Variants in KHDRBS2 observed in about 807,000 individuals in gnomAD.
KHDRBS2 encodes the protein KH domain-containing, RNA-binding, signal transduction-associated protein 2.
KHDRBS2 carries 26 observed loss-of-function variants against 44.3 expected under a neutral mutation model. The ratio of observed to expected loss-of-function variants is 0.59; its 90% CI spans 0.43 to 0.81. The LOEUF (loss-of-function observed/expected upper bound fraction) is 0.81. KHDRBS2 is among the 40% of genes least tolerant of loss of function. The probability of loss-of-function intolerance (pLI) is 0.00; values close to 1 mark genes in which losing one functional copy is unlikely to be tolerated. For synonymous variants in KHDRBS2, 194 were observed against 151.1 expected (o/e 1.28, Z -2.08); for missense variants, 476 against 433.1 (o/e 1.10, Z -0.88).
intron 2 of KHDRBS2, among the ~76,000 whole-genome samples, chr6:62,139,450 G>C (rs1382929685): frequency 2.0e-5 from 3 of 151,878 alleles, no homozygotes; most frequent in Non-Finnish European, 4.4e-5. Context: ...TTACTTGGGA[G>C]GCTGAGGCAG....
rs554840278 is a variant in KHDRBS2, at chr6:62,208,304, G to A, written c.92-30992C>T. On this transcript the variant is annotated intron_variant, in intron 1 of 8. Transcript: ENST00000281156. ...CTATTCACAAGCACAATCATAGTGC[G>A]CTACAGTCCTGAACTCCTGGTCTCA... Among the ~76,000 whole-genome samples the A allele has an allele frequency of 6.1e-4, 93 of 152,164 alleles. No individual in the cohort carries two copies. In the South Asian group the frequency reaches 7.1e-3, roughly 12 times the overall value.
intron 1 of KHDRBS2, among the ~76,000 whole-genome samples, chr6:62,221,717 C>G (rs1188301585): frequency 6.6e-6 from 1 of 151,970 alleles, no homozygotes; most frequent in Non-Finnish European, 1.5e-5. Context: ...CAAATTTCAT[C>G]CTCTCAACAA....
intron 4 of KHDRBS2, among the ~76,000 whole-genome samples, chr6:61,954,414 CATAT>C (rs1334645297): frequency 2.3e-5 from 2 of 86,340 alleles, no homozygotes; most frequent in Non-Finnish European, 6.1e-5. Context: ...TGCATGCATA[CATAT>C]ATACGTATGT....
chr6:62,039,587 G>C (rs1228340828), intron 3 of KHDRBS2, among the ~76,000 whole-genome samples: 1 of 151,854 alleles, frequency 6.6e-6, no homozygotes, highest in Non-Finnish European at 1.5e-5. Context: ...TCTTGGTCTA[G>C]GTATTGCACA....
intron 4 of KHDRBS2, among the ~76,000 whole-genome samples, chr6:61,930,328 T>C (rs550961036): frequency 6.6e-6 from 1 of 152,016 alleles, no homozygotes; most frequent in South Asian, 2.1e-4. Flanking sequence ...AACACCTTCT[T>C]CAAATCAAAC....
At chr6:61,604,629 A>C in the KHDRBS2 span, among the ~76,000 whole-genome samples, 1 of 152,120 alleles carries the variant, frequency 6.6e-6, no homozygotes, top group African/African-American at 2.4e-5. Flanking sequence ...ATCACTTCTC[A>C]GTGTTCCATC....
At chr6:62,167,016 G>A (rs1818845555) in intron 2 of KHDRBS2, among the ~76,000 whole-genome samples, 1 of 151,992 alleles carries the variant, frequency 6.6e-6, no homozygotes, top group Admixed American at 6.6e-5. Flanking sequence ...AAGAATACGG[G>A]TTTGGACATT....
At chr6:61,576,464 T>C in the KHDRBS2 span, among the ~76,000 whole-genome samples, 2 of 152,130 alleles carry the variant, frequency 1.3e-5, no homozygotes, top group Admixed American at 6.6e-5. Context: ...TCTAGGAGCC[T>C]TGTGGAGGAG....
At chr6:61,795,646 A>T (rs905476315) in intron 6 of KHDRBS2, among the ~76,000 whole-genome samples, 2 of 152,150 alleles carry the variant, frequency 1.3e-5, no homozygotes, top group African/African-American at 4.8e-5. Flanking sequence ...TTTACTTGCC[A>T]CAATTTTCTT....
chr6:61,984,941 T>C (rs561712640), intron 3 of KHDRBS2, among the ~76,000 whole-genome samples: 40 of 152,332 alleles, frequency 2.6e-4, no homozygotes, highest in African/African-American at 7.0e-4. Context: ...AAACACAGGC[T>C]ATGTAAATAA....
chr6:61,951,169 A>T (rs61427170), intron 4 of KHDRBS2, among the ~76,000 whole-genome samples: 3,334 of 152,148 alleles, frequency 0.022, 120 homozygotes, highest in African/African-American at 0.076. Flanking sequence ...TGTGATGTCA[A>T]TGAACCTGTA....
At position 61,986,690 on chromosome 6, in the gene KHDRBS2, C is replaced by T. The variant is rs185179624; in HGVS notation, c.337-8478G>A. Among the ~76,000 whole-genome samples, 41 of 152,256 alleles carry T rather than the reference C, an allele frequency of 2.7e-4. No homozygotes were observed. In the East Asian group the frequency reaches 5.6e-3, roughly 21 times the overall value. On this transcript the variant is annotated intron_variant, in intron 3 of 8. Transcript: ENST00000281156. Reference sequence around the variant, plus strand: ...CTGAAGGTTGGGAAATCAAAATCAACATGCCGGCAGATTCCGTTCCTGGTG... The same window carrying T: ...CTGAAGGTTGGGAAATCAAAATCAATATGCCGGCAGATTCCGTTCCTGGTG...
chr6:61,727,359 C>T (rs776790329), intron 7 of KHDRBS2, among the ~76,000 whole-genome samples: 2 of 152,154 alleles, frequency 1.3e-5, no homozygotes, highest in South Asian at 2.1e-4. Context: ...CTATTCAGGA[C>T]ATAGACACAG....
At chr6:61,620,324 A>G in the KHDRBS2 span, among the ~76,000 whole-genome samples, 3 of 152,088 alleles carry the variant, frequency 2.0e-5, no homozygotes, top group African/African-American at 7.2e-5. Context: ...AGTATTATTG[A>G]TTCTTTTAAT....
intron 7 of KHDRBS2, among the ~76,000 whole-genome samples, chr6:61,715,904 A>G (rs1771330796): frequency 6.6e-6 from 1 of 151,936 alleles, no homozygotes; most frequent in Admixed American, 6.6e-5. Flanking sequence ...ATTTCTTTAA[A>G]TTAGTTGCCA....
chr6:61,752,357 T>C (rs1290080789), intron 6 of KHDRBS2, among the ~76,000 whole-genome samples: 2 of 152,152 alleles, frequency 1.3e-5, no homozygotes, highest in East Asian at 3.8e-4. Flanking sequence ...ATGCTCAAGA[T>C]CTCACAGATT....
the KHDRBS2 span, among the ~76,000 whole-genome samples, chr6:61,555,805 C>T: frequency 6.6e-6 from 1 of 152,178 alleles, no homozygotes; most frequent in Admixed American, 6.5e-5. Context: ...CAGATCAACA[C>T]TCCTGGGCTA....
chr6:62,161,585 G>GGGA (rs1817673851), intron 2 of KHDRBS2, among the ~76,000 whole-genome samples: 2 of 112,496 alleles, frequency 1.8e-5, no homozygotes, highest in Admixed American at 9.3e-5. Flanking sequence ...GGGGGGGGGG[G>GGGA]GGTCCCAGAA....
intron 4 of KHDRBS2, among the ~76,000 whole-genome samples, chr6:61,923,989 T>G (rs1363513700): frequency 6.6e-6 from 1 of 152,052 alleles, no homozygotes; most frequent in East Asian, 1.9e-4. Flanking sequence ...CAGAAAAAAT[T>G]GTATTTTATT....
Sources: allele counts gnomAD v4.1 joint callset (sites outside exome capture counted in the v4.1 genomes callset), GRCh38; gene constraint gnomAD v4.1.1; transcripts MANE v1.5; gene names NCBI Gene and HGNC (gene_info 2026-07-23, HGNC 2026-07-21).